Variants in PDE5A observed in about 807,000 individuals in gnomAD.
PDE5A encodes cGMP-specific 3',5'-cyclic phosphodiesterase.
A neutral mutation model predicts 110.2 loss-of-function variants in PDE5A; 67 were observed. The ratio of observed to expected loss-of-function variants is 0.61; its 90% CI spans 0.50 to 0.75. PDE5A has a LOEUF of 0.75. Ranked by LOEUF, PDE5A falls within the 30% of genes least tolerant of loss-of-function variation. The pLI is 0.00. For synonymous variants in PDE5A, 328 were observed against 351.2 expected (o/e 0.93, Z 0.74); for missense variants, 862 against 1,045.1 (o/e 0.82, Z 2.42).
chr4:119,500,702 T>A (rs115006805), intron 20 of PDE5A: 3,899 of 152,254 alleles, frequency 0.026, 77 homozygotes, highest in Middle Eastern at 0.078. Flanking sequence ...CCACCCCCCC[T>A]CCAAAAGCCA....
At chr4:119,599,409 A>G (rs1206567033) in intron 2 of PDE5A, among the ~76,000 whole-genome samples, 1 of 152,184 alleles carries the variant, frequency 6.6e-6, no homozygotes, top group African/African-American at 2.4e-5. Flanking sequence ...TAAAGCAGCT[A>G]TTAAAAATTA....
intron 2 of PDE5A, among the ~76,000 whole-genome samples, chr4:119,603,591 A>G (rs1729422086): frequency 6.9e-6 from 1 of 144,070 alleles, no homozygotes; most frequent in South Asian, 2.4e-4. Flanking sequence ...ATATACGAAT[A>G]TGTTTTCTTA....
chr4:119,568,143 T>TC (rs1728009564), intron 3 of PDE5A, among the ~76,000 whole-genome samples: 1 of 140,710 alleles, frequency 7.1e-6, no homozygotes, highest in South Asian at 2.1e-4. Flanking sequence ...TCTCTCTCTC[T>TC]TTTTTTTTTG....
chr4:119,562,748 G>A (rs949508448), intron 6 of PDE5A, 85 bp downstream of exon 6: 3 of 1,200,200 alleles, frequency 2.5e-6, no homozygotes, highest in Admixed American at 5.5e-5. Context: ...AGGGTTCTAA[G>A]ACCAAAATGA....
At chr4:119,581,306 T>C (rs12646525) in intron 3 of PDE5A, among the ~76,000 whole-genome samples, 115,363 of 152,118 alleles carry the variant, frequency 0.76, 44,092 homozygotes, top group East Asian at 0.89. Flanking sequence ...ATGCCTTCTT[T>C]ACTAGAGCTG....
chr4:119,578,313 T>C (rs1424797286), intron 3 of PDE5A, among the ~76,000 whole-genome samples: 1 of 152,178 alleles, frequency 6.6e-6, no homozygotes, highest in Non-Finnish European at 1.5e-5. Context: ...CCAATGACTT[T>C]CTTCACAGAA....
At chr4:119,553,882 T>A in intron 7 of PDE5A, 136 bp from the exon 8 acceptor site, 1 of 570,830 alleles carries the variant, frequency 1.8e-6, no homozygotes, top group Non-Finnish European at 3.1e-6. Context: ...AAATGTAGCT[T>A]TAAATGTGTT....
chr4:119,610,712 C>G (rs1248195675), intron 1 of PDE5A, among the ~76,000 whole-genome samples: 1 of 152,134 alleles, frequency 6.6e-6, no homozygotes. Context: ...ATTTCTGTTT[C>G]CTTCAACTCT....
chr4:119,552,259 C>T (rs189275361), intron 9 of PDE5A, among the ~76,000 whole-genome samples: 158 of 152,180 alleles, frequency 1.0e-3, no homozygotes, highest in Non-Finnish European at 1.8e-3. Context: ...TAAAACAATA[C>T]ACATTATCTA....
In PDE5A at chr4:119,497,335, T is replaced by TA. The variant is rs1426865313; in HGVS notation, c.*1265dup. The stretch of plus-strand genomic sequence containing the variant: ...CTCCAATATTGAGTAAATGTGTCTT[T>TA]AGGGGCACACATGTAGAATATTAAT... On this transcript the variant is annotated 3_prime_UTR_variant, in exon 21 of 21. Coordinates refer to ENST00000354960, the MANE Select transcript of PDE5A (RefSeq NM_001083.4). 1.3e-5 allele frequency: 2 copies of TA among 152,268 alleles called. No homozygotes were observed. The highest frequency in any genetic ancestry group is 4.8e-5 in the African/African-American group (2 of 41,558). The allele number at this position is 152,268 out of a possible 1,614,324, so 9.4% of individuals were successfully genotyped here.
Position 119,542,551 on chromosome 4 carries a change from C to T in PDE5A, c.1480G>A (p.Ala494Thr). ...CCCAAGCCACAAAAGATGACAAAAG[C>T]TTCCAGAAACTGTTCGTCATTTCGG... is the stretch of plus-strand genomic sequence containing the variant. ...FNRNDEQFLE[A>T]FVIFCGLGIQ... The change falls in exon 10 of 21, where the codon GCT (alanine) becomes ACT (threonine). Residue 494 changes from alanine to threonine, a missense_variant. Physicochemically the swap from Ala to Thr is moderately conservative, Grantham distance 58. Transcript: ENST00000354960. 6.2e-7 allele frequency: 1 copy of T among 1,614,018 alleles called. No homozygotes were observed. Among genetic ancestry groups the T allele is most frequent in the Non-Finnish European group, 8.5e-7 (1 of 1,179,938 alleles).
chr4:119,596,409 A>G, intron 3 of PDE5A, 114 bp downstream of exon 3: 2 of 491,766 alleles, frequency 4.1e-6, no homozygotes, highest in Non-Finnish European at 7.0e-6. Flanking sequence ...TAAGAACTTT[A>G]TAGCTAATTT....
chr4:119,538,247 G>A (rs993469913), intron 11 of PDE5A, among the ~76,000 whole-genome samples: 5 of 152,126 alleles, frequency 3.3e-5, no homozygotes, highest in Non-Finnish European at 7.4e-5. Flanking sequence ...GGCAAACTAT[G>A]ATGAGGATGA....
chr4:119,506,596 A>G (rs1302808635), intron 16 of PDE5A, among the ~76,000 whole-genome samples: 2 of 151,886 alleles, frequency 1.3e-5, no homozygotes, highest in Non-Finnish European at 2.9e-5. Context: ...AATGAAAAGT[A>G]TGTTTCATAA....
chr4:119,508,241 C>T lies in PDE5A; in HGVS notation c.2089-537G>A, dbSNP rs75521183. On this transcript the variant is annotated intron_variant, in intron 15 of 20. Coordinates refer to ENST00000354960, the MANE Select transcript of PDE5A (RefSeq NM_001083.4). ...CATGAGCCAAAGGGTGCTTACTGGTCAGTGGTGAAAGAAAGCGTGGGTTGA... is the reference window on the plus strand; with the variant it reads ...CATGAGCCAAAGGGTGCTTACTGGTTAGTGGTGAAAGAAAGCGTGGGTTGA... 1.7e-3 allele frequency among the ~76,000 whole-genome samples: 259 copies of T among 151,994 alleles called. 1 individual carries two copies. Among genetic ancestry groups the T allele is most frequent in the African/African-American group, 4.8e-3 (201 of 41,496 alleles).
chr4:119,609,668 C>T (rs995228950), intron 1 of PDE5A, among the ~76,000 whole-genome samples: 4 of 152,002 alleles, frequency 2.6e-5, no homozygotes, highest in African/African-American at 9.7e-5. Context: ...TTATAAAAGT[C>T]TCCAAAAAGT....
chr4:119,580,360 T>C (rs1472839577), intron 3 of PDE5A, among the ~76,000 whole-genome samples: 2 of 152,204 alleles, frequency 1.3e-5, no homozygotes, highest in Non-Finnish European at 1.5e-5. Flanking sequence ...GAACAGCGCA[T>C]AGCCATTGCG....
chr4:119,500,517 CTTGACATTCTA>C (rs1725266546), intron 20 of PDE5A, among the ~76,000 whole-genome samples: 1 of 151,840 alleles, frequency 6.6e-6, no homozygotes, highest in African/African-American at 2.4e-5. Context: ...TTTTTCTGCT[CTTGACATTCTA>C]TGATAACTCC....
At chr4:119,606,032 A>G (rs1340794744) in intron 2 of PDE5A, among the ~76,000 whole-genome samples, 2 of 152,248 alleles carry the variant, frequency 1.3e-5, no homozygotes, top group Non-Finnish European at 2.9e-5. Context: ...AATAAAAAGG[A>G]TTATTTTAAA....
Sources: gnomAD v4.1 joint callset for allele counts (sites outside exome capture counted in the v4.1 genomes callset) on GRCh38, gnomAD v4.1.1 for gene constraint, MANE v1.5 for transcripts, NCBI Gene and HGNC (gene_info 2026-07-23, HGNC 2026-07-21) for gene names.